Variants in COL28A1 observed in about 807,000 individuals in gnomAD.
COL28A1 encodes the protein collagen type XXVIII alpha 1 chain.
In COL28A1, 161 loss-of-function variants were observed where a neutral mutation model predicts 150.2. That is an observed-to-expected ratio of 1.07 (90% CI 0.94 to 1.22). COL28A1 has a LOEUF of 1.22. Among genes scored for constraint, COL28A1 ranks in the 50% most tolerant of loss-of-function variants. The probability of loss-of-function intolerance (pLI) is 0.00; values close to 1 mark genes in which losing one functional copy is unlikely to be tolerated. For missense variants in COL28A1, 1,617 were observed against 1,388.3 expected (o/e 1.16, Z -2.62); for synonymous variants, 552 against 469.7 (o/e 1.18, Z -2.26).
At chr7:7,458,136 G>C (rs955317106) in intron 15 of COL28A1, among the ~76,000 whole-genome samples, 1 of 152,354 alleles carries the variant, frequency 6.6e-6, no homozygotes, top group Middle Eastern at 3.4e-3. Context: ...TGTATCATTT[G>C]CTGGGCGCCG....
chr7:7,507,462 G>A (rs1347471744), intron 9 of COL28A1, among the ~76,000 whole-genome samples: 1 of 152,138 alleles, frequency 6.6e-6, no homozygotes, highest in African/African-American at 2.4e-5. Context: ...TCCTTAGAGG[G>A]CTATAAACTT....
chr7:7,477,448 T>C (rs1788990809), intron 13 of COL28A1, among the ~76,000 whole-genome samples: 1 of 152,228 alleles, frequency 6.6e-6, no homozygotes, highest in Non-Finnish European at 1.5e-5. Flanking sequence ...ATACCAGATG[T>C]GCATAGGTTA....
At chr7:7,507,264 T>G in intron 9 of COL28A1, 103 bp from the exon 10 acceptor site, 1 of 652,666 alleles carries the variant, frequency 1.5e-6, no homozygotes, top group East Asian at 2.8e-5. Flanking sequence ...ATTGCCATCT[T>G]CCCTGGTTAT....
intron 3 of COL28A1, among the ~76,000 whole-genome samples, chr7:7,530,219 G>A (rs1782270325): frequency 6.6e-6 from 1 of 152,140 alleles, no homozygotes; most frequent in Non-Finnish European, 1.5e-5. Context: ...TACATCATAA[G>A]ATTGTGGCAA....
chr7:7,412,888 G>C (rs1268295053), intron 27 of COL28A1, among the ~76,000 whole-genome samples: 1 of 152,038 alleles, frequency 6.6e-6, no homozygotes, highest in East Asian at 1.9e-4. Flanking sequence ...TAAATGATTT[G>C]TCTAAGGTTA....
chr7:7,485,188 T>C (rs547456611), intron 13 of COL28A1, among the ~76,000 whole-genome samples: 1 of 152,200 alleles, frequency 6.6e-6, no homozygotes, highest in South Asian at 2.1e-4. Context: ...AAACAAAATA[T>C]GTAAAAATAT....
At chr7:7,499,113 TG>T (rs1237500781) in intron 11 of COL28A1, among the ~76,000 whole-genome samples, 13 of 152,284 alleles carry the variant, frequency 8.5e-5, no homozygotes, top group Non-Finnish European at 1.8e-4. Flanking sequence ...CAGATGTGCA[TG>T]TAGGTCAAAG....
chr7:7,382,359 T>C (rs569158844), intron 27 of COL28A1, among the ~76,000 whole-genome samples: 13 of 151,056 alleles, frequency 8.6e-5, no homozygotes, highest in Non-Finnish European at 1.9e-4. Flanking sequence ...GGGAAAAGAG[T>C]ATATAACAGC....
intron 27 of COL28A1, among the ~76,000 whole-genome samples, chr7:7,383,896 T>C (rs1782036955): frequency 6.6e-6 from 1 of 152,040 alleles, no homozygotes; most frequent in Admixed American, 6.6e-5. Flanking sequence ...GAGGAAACTC[T>C]TACATCGAAA....
intron 27 of COL28A1, among the ~76,000 whole-genome samples, chr7:7,404,441 C>T (rs925512965): frequency 2.0e-5 from 3 of 152,036 alleles, no homozygotes; most frequent in Non-Finnish European, 4.4e-5. Flanking sequence ...TATAGGCCCA[C>T]CCCAAATTCA....
At position 7,477,175 on chromosome 7, in the gene COL28A1, G is replaced by A. The variant is rs1308390132; in HGVS notation, c.1170C>T (p.Pro390=). Residue 390 remains proline, a synonymous_variant, in exon 14 of 35, where the codon CCC becomes CCT. Transcript: ENST00000399429. The part of the protein sequence containing the change: ...IGVGEPGQPG[P]RGPEGVPGER... ...CTCCTGGTACTCCCTCAGGACCACGGGGACCCTGGTTAGGATAGGAGAAAA... is the reference window on the plus strand; with the variant it reads ...CTCCTGGTACTCCCTCAGGACCACGAGGACCCTGGTTAGGATAGGAGAAAA... 8.1e-7 allele frequency: 1 copy of A among 1,236,490 alleles called. No individual in the cohort carries two copies. 76.6% of individuals were successfully genotyped at this position (1,236,490 alleles called of 1,614,324 possible).
intron 30 of COL28A1, among the ~76,000 whole-genome samples, chr7:7,377,935 AAAG>A (rs1057490235): frequency 7.9e-5 from 12 of 151,910 alleles, no homozygotes; most frequent in Non-Finnish European, 1.2e-4. Flanking sequence ...ACGATGAGGG[AAAG>A]AAGGAGTCTA....
At chr7:7,400,896 T>A (rs1355527613) in intron 27 of COL28A1, among the ~76,000 whole-genome samples, 1 of 151,926 alleles carries the variant, frequency 6.6e-6, no homozygotes, top group Non-Finnish European at 1.5e-5. Context: ...CCCTTTACCC[T>A]AATTCATCAA....
intron 6 of COL28A1, among the ~76,000 whole-genome samples, chr7:7,518,231 T>A (rs1357349035): frequency 2.6e-5 from 4 of 152,114 alleles, no homozygotes; most frequent in African/African-American, 9.7e-5. Context: ...CAGCAAGACT[T>A]AAGAAAATAT....
chr7:7,476,624 G>C (rs17168096), intron 14 of COL28A1, among the ~76,000 whole-genome samples: 23,913 of 152,104 alleles, frequency 0.16, 2,153 homozygotes, highest in African/African-American at 0.25. Context: ...TTACATAAGG[G>C]AAATGACAGG....
the COL28A1 span, among the ~76,000 whole-genome samples, chr7:7,348,250 C>T: frequency 6.6e-6 from 1 of 152,158 alleles, no homozygotes; most frequent in South Asian, 2.1e-4. Context: ...TGGAGCGATT[C>T]TAGCTGCTCT....
intron 13 of COL28A1, among the ~76,000 whole-genome samples, chr7:7,478,307 A>G (rs896705853): frequency 6.6e-6 from 1 of 152,236 alleles, no homozygotes; most frequent in Non-Finnish European, 1.5e-5. Context: ...CAGATTAACT[A>G]GATACAGAGT....
intron 8 of COL28A1, among the ~76,000 whole-genome samples, chr7:7,515,499 T>A (rs1405830726): frequency 6.6e-6 from 1 of 152,198 alleles, no homozygotes; most frequent in African/African-American, 2.4e-5. Context: ...TATTGCTGAA[T>A]CTGTTTGTGT....
At chr7:7,434,488 T>C (rs1486466567) in intron 23 of COL28A1, among the ~76,000 whole-genome samples, 1 of 152,238 alleles carries the variant, frequency 6.6e-6, no homozygotes, top group African/African-American at 2.4e-5. Context: ...AGCTCCCCGG[T>C]TGAATTAAAA....
Sources: allele counts gnomAD v4.1 joint callset (sites outside exome capture counted in the v4.1 genomes callset), GRCh38; gene constraint gnomAD v4.1.1; transcripts MANE v1.5; gene names NCBI Gene and HGNC (gene_info 2026-07-23, HGNC 2026-07-21).